Variants in PIP4K2A observed in about 807,000 individuals in gnomAD.
PIP4K2A encodes phosphatidylinositol-5-phosphate 4-kinase type 2 alpha, also known as phosphatidylinositol 5-phosphate 4-kinase type-2 alpha.
PIP4K2A carries 14 observed loss-of-function variants against 42.9 expected under a neutral mutation model. That is an observed-to-expected ratio of 0.33 (90% CI 0.22 to 0.51). The LOEUF (loss-of-function observed/expected upper bound fraction) is 0.51, where lower values mean the gene tolerates loss of function less well. Among genes scored for constraint, PIP4K2A ranks in the 20% least tolerant of loss-of-function variants. The pLI is 0.97. For missense variants in PIP4K2A, 434 were observed against 519.8 expected (o/e 0.83, Z 1.61); for synonymous variants, 192 against 192.2 (o/e 1.00, Z 0.01).
intron 3 of PIP4K2A, among the ~76,000 whole-genome samples, chr10:22,607,411 C>G (rs1286956338): frequency 6.6e-6 from 1 of 152,148 alleles, no homozygotes; most frequent in East Asian, 1.9e-4. Flanking sequence ...TGGTGCTGAC[C>G]ACAGTGCTAT....
chr10:22,631,224 T>A (rs1163319345), intron 1 of PIP4K2A, among the ~76,000 whole-genome samples: 6 of 152,234 alleles, frequency 3.9e-5, no homozygotes, highest in Non-Finnish European at 7.3e-5. Flanking sequence ...TGTCATGGGC[T>A]CAATGTTTTT....
rs575177142 is a variant in PIP4K2A at position 22,602,940 on chromosome 10, C to G, written c.339+4987G>C. ...CACAAACACTGCTCCTGCCCTCAGG[C>G]AGTTTAAAGTCAAAAGTGAGAAATC... On this transcript the variant is annotated intron_variant, in intron 3 of 9. Transcript: ENST00000376573. Among the ~76,000 whole-genome samples the G allele has an allele frequency of 3.3e-5, 5 of 152,214 alleles. No homozygotes were observed. The South Asian group carries it at 1.0e-3, about 32-fold the overall frequency.
chr10:22,588,148 G>A (rs946940775), intron 4 of PIP4K2A, among the ~76,000 whole-genome samples: 1 of 152,296 alleles, frequency 6.6e-6, no homozygotes, highest in African/African-American at 2.4e-5. Flanking sequence ...CAACGTTTGT[G>A]TCACCTATAC....
intron 1 of PIP4K2A, among the ~76,000 whole-genome samples, chr10:22,713,327 C>G (rs1027074671): frequency 3.9e-5 from 6 of 152,222 alleles, no homozygotes; most frequent in Admixed American, 1.3e-4. Context: ...CCACACCCCC[C>G]ACAGCGGGTG....
intron 3 of PIP4K2A, among the ~76,000 whole-genome samples, chr10:22,593,083 G>C (rs1837549867): frequency 6.6e-6 from 1 of 152,188 alleles, no homozygotes; most frequent in Non-Finnish European, 1.5e-5. Context: ...CAACAGGACT[G>C]AACCACCTGA....
intron 4 of PIP4K2A, among the ~76,000 whole-genome samples, chr10:22,581,059 C>A (rs1319399903): frequency 2.0e-5 from 3 of 152,198 alleles, no homozygotes; most frequent in Non-Finnish European, 4.4e-5. Context: ...GAGCACACAC[C>A]AGATAAGTGG....
intron 4 of PIP4K2A, among the ~76,000 whole-genome samples, chr10:22,590,290 G>A (rs550534861): frequency 6.6e-6 from 1 of 152,338 alleles, no homozygotes; most frequent in South Asian, 2.1e-4. Context: ...GTGTGTATGT[G>A]TTTTAAACAC....
Position 22,536,492 on chromosome 10 carries a change from G to C in PIP4K2A, c.*709C>G, listed in dbSNP as rs1835922813. On this transcript the variant is annotated 3_prime_UTR_variant, in exon 10 of 10. Transcript: ENST00000376573. The stretch of plus-strand genomic sequence containing the variant: ...GGGGCTCTGGACACCAGGGGGTCCT[G>C]ACAAGGCTGGGGCCAGAACCCTGAA... The C allele has an allele frequency of 5.5e-6, 1 of 181,052 alleles. No individual in the cohort carries two copies. The highest frequency in any genetic ancestry group is 2.3e-5 in the African/African-American group (1 of 42,798). 11.2% of individuals were successfully genotyped at this position (181,052 alleles called of 1,614,324 possible). A position where few individuals can be genotyped will look rare whatever the true frequency, so the allele number is the denominator to read the frequency against.
intron 3 of PIP4K2A, among the ~76,000 whole-genome samples, chr10:22,594,395 TTTTTTA>T (rs1347898201): frequency 6.6e-6 from 1 of 151,974 alleles, no homozygotes; most frequent in African/African-American, 2.4e-5. Context: ...ATGTACAGGG[TTTTTTA>T]TTTTTATTTT....
chr10:22,561,645 G>C (rs1475589298), intron 6 of PIP4K2A, among the ~76,000 whole-genome samples: 1 of 147,508 alleles, frequency 6.8e-6, no homozygotes, highest in Non-Finnish European at 1.5e-5. Flanking sequence ...GTGTGATCAC[G>C]GCTCACTGCA....
At chr10:22,572,155 A>C (rs1256974244) in intron 5 of PIP4K2A, among the ~76,000 whole-genome samples, 1 of 152,278 alleles carries the variant, frequency 6.6e-6, no homozygotes, top group Admixed American at 6.5e-5. Context: ...GTCAGAGACC[A>C]GAGTTTGGCA....
chr10:22,620,216 A>G (rs1345093716), intron 1 of PIP4K2A, among the ~76,000 whole-genome samples: 1 of 152,254 alleles, frequency 6.6e-6, no homozygotes, highest in African/African-American at 2.4e-5. Context: ...AACTTCATAC[A>G]AAAGAATGTA....
intron 8 of PIP4K2A, among the ~76,000 whole-genome samples, chr10:22,541,460 T>G (rs1588612147): frequency 6.6e-6 from 1 of 152,244 alleles, no homozygotes; most frequent in Admixed American, 6.5e-5. Flanking sequence ...TGTGAACATG[T>G]ATGTGTGCAT....
chr10:22,662,993 A>C (rs1336969881), intron 1 of PIP4K2A, among the ~76,000 whole-genome samples: 1 of 152,224 alleles, frequency 6.6e-6, no homozygotes, highest in Non-Finnish European at 1.5e-5. Flanking sequence ...AGAGGAGGCA[A>C]CTGATGAATC....
intron 1 of PIP4K2A, among the ~76,000 whole-genome samples, chr10:22,667,068 T>G (rs746112312): frequency 2.6e-5 from 4 of 152,162 alleles, no homozygotes; most frequent in Non-Finnish European, 5.9e-5. Flanking sequence ...GACTATAACT[T>G]TGTAAAAATA....
At chr10:22,664,885 A>C (rs1839319067) in intron 1 of PIP4K2A, among the ~76,000 whole-genome samples, 1 of 152,118 alleles carries the variant, frequency 6.6e-6, no homozygotes, top group South Asian at 2.1e-4. Flanking sequence ...AAAATGGAAA[A>C]CTGGACATCA....
At position 22,535,379 on chromosome 10, in the gene PIP4K2A, T is replaced by C. The variant is rs551569454; in HGVS notation, c.*1822A>G. 2.8e-4 allele frequency: 42 copies of C among 152,360 alleles called. No individual in the cohort carries two copies. Among genetic ancestry groups the C allele is most frequent in the Admixed American group, 5.2e-4 (8 of 15,308 alleles). 9.4% of individuals were successfully genotyped at this position (152,360 alleles called of 1,614,324 possible). On this transcript the variant is annotated 3_prime_UTR_variant, in exon 10 of 10. Coordinates refer to ENST00000376573, the MANE Select transcript of PIP4K2A (RefSeq NM_005028.5). ...CACTACGTGACAGTGGTGTTAACACTGGCTGCTGAGGATACCAAATCTACA... is the reference window on the plus strand; with the variant it reads ...CACTACGTGACAGTGGTGTTAACACCGGCTGCTGAGGATACCAAATCTACA...
intron 3 of PIP4K2A, among the ~76,000 whole-genome samples, chr10:22,596,343 A>AT (rs1422929136): frequency 6.6e-6 from 1 of 152,206 alleles, no homozygotes; most frequent in Admixed American, 6.5e-5. Context: ...CAGTACAACC[A>AT]TCATCTCAGC....
chr10:22,694,328 C>T (rs1257051679), intron 1 of PIP4K2A: 2 of 152,116 alleles, frequency 1.3e-5, no homozygotes, highest in Non-Finnish European at 2.9e-5. Flanking sequence ...ATGTCACATG[C>T]CACTTAAATA....
Sources: gnomAD v4.1 joint callset for allele counts (sites outside exome capture counted in the v4.1 genomes callset) on GRCh38, gnomAD v4.1.1 for gene constraint, MANE v1.5 for transcripts, NCBI Gene and HGNC (gene_info 2026-07-23, HGNC 2026-07-21) for gene names.